ZGRF1: variants seen among roughly 807,000 people sequenced by gnomAD.
ZGRF1 encodes 5'-3' DNA helicase ZGRF1.
In ZGRF1, 196 loss-of-function variants were observed where a neutral mutation model predicts 203.5. The ratio of observed to expected loss-of-function variants is 0.96; its 90% CI spans 0.86 to 1.08. The LOEUF (loss-of-function observed/expected upper bound fraction) is 1.08, where lower values mean the gene tolerates loss of function less well. ZGRF1 is among the 50% of genes least tolerant of loss of function. The probability of loss-of-function intolerance (pLI) is 0.00; values close to 1 mark genes in which losing one functional copy is unlikely to be tolerated. For synonymous variants in ZGRF1, 809 were observed against 841.3 expected (o/e 0.96, Z 0.66); for missense variants, 2,326 against 2,416.3 (o/e 0.96, Z 0.78).
chr4:112,618,539 G>T lies in ZGRF1; in HGVS notation c.1503C>A (p.Asp501Glu). The T allele has an allele frequency of 6.2e-7, 1 of 1,613,196 alleles. No homozygotes were observed. Among genetic ancestry groups the T allele is most frequent in the Non-Finnish European group, 8.5e-7 (1 of 1,179,536 alleles). ...NNSRISDDITDMISESKMDNE... is the reference protein window; with the variant it reads ...NNSRISDDITEMISESKMDNE... The stretch of plus-strand genomic sequence containing the variant: ...TATCCATTTTACTTTCAGAAATCAT[G>T]TCTGTAATGTCATCAGAGATCCTAG... Residue 501 changes from aspartate to glutamate, a missense_variant, in exon 6 of 28, where the codon GAC becomes GAA. Asp to Glu is a conservative substitution (Grantham distance 45). Coordinates refer to ENST00000505019, the MANE Select transcript of ZGRF1 (RefSeq NM_018392.5).
At chr4:112,601,227 G>A (rs929637248) in intron 10 of ZGRF1, among the ~76,000 whole-genome samples, 3 of 152,074 alleles carry the variant, frequency 2.0e-5, no homozygotes, top group African/African-American at 7.2e-5. Flanking sequence ...CAGCAACCTG[G>A]TGAAACAACA....
intron 16 of ZGRF1, among the ~76,000 whole-genome samples, chr4:112,571,528 A>G (rs1260482553): frequency 6.6e-6 from 1 of 151,292 alleles, no homozygotes; most frequent in Non-Finnish European, 1.5e-5. Context: ...ACAGAGATAC[A>G]GCAAGTACAT....
chr4:112,607,660 G>A (rs963782580), intron 8 of ZGRF1, among the ~76,000 whole-genome samples: 1 of 152,188 alleles, frequency 6.6e-6, no homozygotes, highest in African/African-American at 2.4e-5. Flanking sequence ...TTATAGGCCA[G>A]GCACATGCCT....
chr4:112,625,663 G>A (rs2047217218), intron 3 of ZGRF1, among the ~76,000 whole-genome samples: 1 of 151,248 alleles, frequency 6.6e-6, no homozygotes, highest in African/African-American at 2.4e-5. Context: ...TTGGGAGGCT[G>A]AGGCGGGCAG....
At chr4:112,630,737 A>G (rs1319925730) in intron 3 of ZGRF1, among the ~76,000 whole-genome samples, 2 of 152,052 alleles carry the variant, frequency 1.3e-5, no homozygotes, top group Non-Finnish European at 2.9e-5. Context: ...TAAAAATACA[A>G]AAAATTAGCC....
At chr4:112,617,336 A>T (rs1326536491) in intron 6 of ZGRF1, 104 bp downstream of exon 6, 4 of 797,108 alleles carry the variant, frequency 5.0e-6, no homozygotes, top group Non-Finnish European at 7.7e-6. Flanking sequence ...ACCTATTTAA[A>T]CACTATGTAA....
intron 22 of ZGRF1, among the ~76,000 whole-genome samples, chr4:112,553,266 C>G (rs1436410746): frequency 6.6e-6 from 1 of 152,142 alleles, no homozygotes; most frequent in Non-Finnish European, 1.5e-5. Context: ...CAGCTGATGC[C>G]CAGGCTTCCC....
chr4:112,567,713 C>T (rs1282615070), intron 16 of ZGRF1, among the ~76,000 whole-genome samples: 1 of 152,090 alleles, frequency 6.6e-6, no homozygotes, highest in Non-Finnish European at 1.5e-5. Context: ...ATAACTTAAG[C>T]CCACGAGTTC....
Position 112,619,989 on chromosome 4 carries a change from T to C in ZGRF1, c.351+13A>G, listed in dbSNP as rs1327543122. On this transcript the variant is annotated intron_variant, in intron 5 of 27. Transcript: ENST00000505019. ...ATATATTTTGATATATTATTTTCCA[T>C]AGCAAAACTTACAGTAAACTTCCTT... 1.3e-6 allele frequency: 2 copies of C among 1,551,586 alleles called. No individual in the cohort carries two copies. The highest frequency in any genetic ancestry group is 2.5e-5 in the South Asian group (2 of 80,294).
At position 112,542,684 on chromosome 4, in the gene ZGRF1, C is replaced by A. The variant is rs1240921670; in HGVS notation, c.5599-1416G>T. Among the ~76,000 whole-genome samples the A allele has an allele frequency of 2.0e-5, 3 of 152,284 alleles. No individual in the cohort carries two copies. In the East Asian group the frequency reaches 5.8e-4, roughly 29 times the overall value. ...AACTCCTGGGGCTCACACGATCCTT[C>A]TGCCTCAGCTTCCTGAGTAGCTGGG... On this transcript the variant is annotated intron_variant, in intron 24 of 27. Transcript: ENST00000505019.
At chr4:112,539,780 T>C (rs956715806) in intron 27 of ZGRF1, 83 bp downstream of exon 27, 5 of 1,575,580 alleles carry the variant, frequency 3.2e-6, no homozygotes, top group Non-Finnish European at 4.3e-6. Context: ...GCAGAGCTGT[T>C]CCTGCTTGAA....
In ZGRF1 at chr4:112,619,751, C is replaced by G. The variant is rs529025875; in HGVS notation, c.352-61G>C. ...ACCCATTAAGAAAATGTGAAATGAA[C>G]TGGCTAAGAAAAAAAAAGGAGAAGG... On this transcript the variant is annotated intron_variant, in intron 5 of 27. Transcript: ENST00000505019. 78 of 1,306,914 alleles carry G rather than the reference C, an allele frequency of 6.0e-5. No homozygotes were observed. In the Admixed American group the frequency reaches 6.5e-4, roughly 11 times the overall value. The allele number at this position is 1,306,914 out of a possible 1,614,324, so 81.0% of individuals were successfully genotyped here.
intron 18 of ZGRF1, 84 bp from the exon 19 acceptor site, chr4:112,561,079 A>G: frequency 9.1e-7 from 1 of 1,100,482 alleles, no homozygotes; most frequent in Non-Finnish European, 1.3e-6. Context: ...CTTAGCCATC[A>G]CTTTGTAAGC....
chr4:112,612,048 C>T (rs1344627488), intron 7 of ZGRF1, among the ~76,000 whole-genome samples: 1 of 151,968 alleles, frequency 6.6e-6, no homozygotes, highest in African/African-American at 2.4e-5. Context: ...TCACTGCAAC[C>T]TCCGCCTCCT....
At chr4:112,609,537 G>T in intron 7 of ZGRF1, 108 bp from the exon 8 acceptor site, 1 of 391,936 alleles carries the variant, frequency 2.6e-6, no homozygotes, top group Non-Finnish European at 4.8e-6. Flanking sequence ...TGGGCATGGT[G>T]GCTCACACCT....
intron 20 of ZGRF1, among the ~76,000 whole-genome samples, chr4:112,557,748 T>A (rs1046896786): frequency 9.8e-5 from 15 of 152,296 alleles, no homozygotes; most frequent in Middle Eastern, 3.4e-3. Context: ...AGACATTACT[T>A]CATCAGTCAA....
At chr4:112,547,057 T>C (rs1283822292) in intron 24 of ZGRF1, among the ~76,000 whole-genome samples, 1 of 152,186 alleles carries the variant, frequency 6.6e-6, no homozygotes, top group Non-Finnish European at 1.5e-5. Context: ...AAAAGTTATA[T>C]ACTCCTACCC....
At chr4:112,627,531 G>A (rs748717666) in intron 3 of ZGRF1, among the ~76,000 whole-genome samples, 3 of 152,048 alleles carry the variant, frequency 2.0e-5, no homozygotes, top group South Asian at 2.1e-4. Flanking sequence ...ATCTGAGGTC[G>A]AGAGTTTGAG....
intron 16 of ZGRF1, among the ~76,000 whole-genome samples, chr4:112,564,775 A>T (rs1240736571): frequency 6.6e-6 from 1 of 152,206 alleles, no homozygotes; most frequent in Non-Finnish European, 1.5e-5. Context: ...CCACTTCATG[A>T]ATGTCTTCTA....
Sources: gnomAD v4.1 joint callset for allele counts (sites outside exome capture counted in the v4.1 genomes callset) on GRCh38, gnomAD v4.1.1 for gene constraint, MANE v1.5 for transcripts, NCBI Gene and HGNC (gene_info 2026-07-23, HGNC 2026-07-21) for gene names.